EYA4: variants seen among roughly 807,000 people sequenced by gnomAD.
The protein encoded by EYA4 is EYA transcriptional coactivator and phosphatase 4, also known as protein phosphatase EYA4.
Under a neutral mutation model 87.9 loss-of-function variants are expected in EYA4, and 31 were observed. The observed-to-expected ratio is 0.35, with a 90% CI of 0.27 to 0.48. The LOEUF is 0.48. Among genes scored for constraint, EYA4 ranks in the 20% least tolerant of loss-of-function variants. EYA4 has a pLI of 0.99. For synonymous variants in EYA4, 263 were observed against 270.6 expected (o/e 0.97, Z 0.28); for missense variants, 678 against 761.4 (o/e 0.89, Z 1.29).
intron 17 of EYA4, among the ~76,000 whole-genome samples, chr6:133,521,582 A>T (rs1800143981): frequency 9.0e-6 from 1 of 111,716 alleles, no homozygotes; most frequent in Admixed American, 9.8e-5. Context: ...CTAGAACTGG[A>T]AATACCATTT....
intron 3 of EYA4, among the ~76,000 whole-genome samples, chr6:133,436,566 G>A (rs1433681958): frequency 1.3e-5 from 2 of 152,154 alleles, no homozygotes; most frequent in African/African-American, 2.4e-5. Flanking sequence ...TCTTAATTAC[G>A]TGAATAGAAG....
chr6:133,529,530 AC>A lies in EYA4; in HGVS notation c.*726del, dbSNP rs199939442. On this transcript the variant is annotated 3_prime_UTR_variant, in exon 20 of 20. Transcript: ENST00000355286. ...AAATCTCTGTAGATAATGAAAAAAA[AC>A]AAAAAAAAAAACCTTTGTGATGATT... 3,132 of 965,686 alleles carry A rather than the reference AC, an allele frequency of 3.2e-3. 37 individuals carry two copies. The East Asian group carries it at 0.061, about 19-fold the overall frequency. The allele number at this position is 965,686 out of a possible 1,614,324, so 59.8% of individuals were successfully genotyped here.
chr6:133,459,756 A>G (rs557147516), intron 6 of EYA4, among the ~76,000 whole-genome samples: 5 of 152,110 alleles, frequency 3.3e-5, no homozygotes, highest in Non-Finnish European at 5.9e-5. Context: ...AAATATGTAG[A>G]AAAGTAATAG....
chr6:133,530,943 G>A lies in EYA4; in HGVS notation c.*2138G>A. On this transcript the variant is annotated 3_prime_UTR_variant, in exon 20 of 20. Coordinates refer to ENST00000355286, the MANE Select transcript of EYA4 (RefSeq NM_004100.5). ...GCCTTGATTATCAGTACTTAATTATGTTGTGCACTAAAACCTTAAATATTT... is the reference window on the plus strand; with the variant it reads ...GCCTTGATTATCAGTACTTAATTATATTGTGCACTAAAACCTTAAATATTT... 1.7e-6 allele frequency: 2 copies of A among 1,201,918 alleles called. No homozygotes were observed. Among genetic ancestry groups the A allele is most frequent in the Non-Finnish European group, 2.1e-6 (2 of 966,118 alleles). The allele number at this position is 1,201,918 out of a possible 1,614,324, so 74.5% of individuals were successfully genotyped here.
intron 3 of EYA4, among the ~76,000 whole-genome samples, chr6:133,426,857 A>G (rs1790715807): frequency 6.6e-6 from 1 of 152,164 alleles, no homozygotes; most frequent in Admixed American, 6.5e-5. Context: ...CTTTCTATCT[A>G]TATCTATATC....
intron 1 of EYA4, among the ~76,000 whole-genome samples, chr6:133,249,201 G>C (rs957587707): frequency 6.6e-6 from 1 of 152,106 alleles, no homozygotes; most frequent in South Asian, 2.1e-4. Flanking sequence ...CCATTCCCAG[G>C]AATATTTAGA....
intron 2 of EYA4, among the ~76,000 whole-genome samples, chr6:133,349,486 A>G (rs1783468297): frequency 6.6e-6 from 1 of 152,232 alleles, no homozygotes; most frequent in Non-Finnish European, 1.5e-5. Flanking sequence ...GTATGAATAA[A>G]TGAATGAAAG....
chr6:133,343,560 C>T (rs1424053691), intron 2 of EYA4, among the ~76,000 whole-genome samples: 4 of 133,384 alleles, frequency 3.0e-5, no homozygotes, highest in Non-Finnish European at 4.9e-5. Context: ...CCAGCACCCC[C>T]GCCACCACCC....
chr6:133,315,927 A>G (rs910232378), intron 2 of EYA4, among the ~76,000 whole-genome samples: 1 of 152,180 alleles, frequency 6.6e-6, no homozygotes, highest in Non-Finnish European at 1.5e-5. Flanking sequence ...ATCAACAGGA[A>G]CAGAGTGTTT....
At chr6:133,354,328 A>G (rs2128431767) in intron 2 of EYA4, among the ~76,000 whole-genome samples, 1 of 152,072 alleles carries the variant, frequency 6.6e-6, no homozygotes, top group African/African-American at 2.4e-5. Context: ...AATAATAGTT[A>G]CTGTTATTAT....
chr6:133,359,298 T>G (rs1468260059), intron 2 of EYA4, among the ~76,000 whole-genome samples: 1 of 152,184 alleles, frequency 6.6e-6, no homozygotes, highest in Non-Finnish European at 1.5e-5. Flanking sequence ...CTAGGCTCTT[T>G]GTGCTGTGAA....
At chr6:133,383,517 C>CAAAAAAAAAAAAAAAAAAAAAAA (rs768724484) in intron 3 of EYA4, among the ~76,000 whole-genome samples, 1 of 45,240 alleles carries the variant, frequency 2.2e-5, no homozygotes, top group African/African-American at 8.9e-5. Context: ...GACTCCATCT[C>CAAAAAAAAAAAAAAAAAAAAAAA]AAAAAAAAAA....
chr6:133,497,399 C>T (rs891219712), intron 13 of EYA4, among the ~76,000 whole-genome samples: 6 of 152,122 alleles, frequency 3.9e-5, no homozygotes, highest in African/African-American at 1.4e-4. Context: ...CAAGCATCTT[C>T]CTAATGGGTT....
At chr6:133,301,500 A>C (rs2128314635) in intron 2 of EYA4, among the ~76,000 whole-genome samples, 1 of 152,368 alleles carries the variant, frequency 6.6e-6, no homozygotes, top group Non-Finnish European at 1.5e-5. Flanking sequence ...AAAGTGAATG[A>C]AAATAGCTGC....
chr6:133,479,111 A>C (rs1407850348), intron 11 of EYA4, among the ~76,000 whole-genome samples: 4 of 152,206 alleles, frequency 2.6e-5, no homozygotes, highest in Admixed American at 2.0e-4. Flanking sequence ...ATTTTATTTG[A>C]AAGCAGACAT....
chr6:133,382,447 G>C lies in EYA4; in HGVS notation c.83+6G>C, dbSNP rs200479266. 6 of 1,602,152 alleles carry C rather than the reference G, an allele frequency of 3.7e-6. No individual in the cohort carries two copies. The highest frequency in any genetic ancestry group is 4.3e-6 in the Non-Finnish European group (5 of 1,169,180). On this transcript the variant is annotated splice_donor_region_variant and intron_variant, in intron 3 of 19. Coordinates refer to ENST00000355286, the MANE Select transcript of EYA4 (RefSeq NM_004100.5). ...TCACAATCTCAGAATTCCAGGTACA[G>C]TAAAATAAAGACCAAGACTCCCCTA...
chr6:133,337,649 G>A (rs1782473887), intron 2 of EYA4, among the ~76,000 whole-genome samples: 1 of 152,144 alleles, frequency 6.6e-6, no homozygotes, highest in Non-Finnish European at 1.5e-5. Flanking sequence ...TTTGCACAAA[G>A]TAGCACTAAT....
intron 3 of EYA4, among the ~76,000 whole-genome samples, chr6:133,405,343 G>A (rs1435272072): frequency 6.6e-6 from 1 of 152,138 alleles, no homozygotes; most frequent in Non-Finnish European, 1.5e-5. Context: ...AACCAGAATG[G>A]AATATACTTC....
chr6:133,468,480 T>C (rs1465532432), intron 10 of EYA4, 86 bp from the exon 11 acceptor site: 1 of 1,101,778 alleles, frequency 9.1e-7, no homozygotes, highest in Non-Finnish European at 1.4e-6. Context: ...TACTAATCTT[T>C]CAGTTACCAT....
Sources: gnomAD v4.1 joint callset for allele counts (sites outside exome capture counted in the v4.1 genomes callset) on GRCh38, gnomAD v4.1.1 for gene constraint, MANE v1.5 for transcripts, NCBI Gene and HGNC (gene_info 2026-07-23, HGNC 2026-07-21) for gene names.